The following MYO16 variants were observed in gnomAD, a reference collection of about 807,000 sequenced individuals.
MYO16 encodes the protein unconventional myosin-XVI.
In MYO16, 94 loss-of-function variants were observed where a neutral mutation model predicts 205.3. That is an observed-to-expected ratio of 0.46 (90% CI 0.39 to 0.54). The LOEUF is 0.54. Ranked by LOEUF, MYO16 falls within the 20% of genes least tolerant of loss-of-function variation. The probability of loss-of-function intolerance (pLI) is 0.00; values close to 1 mark genes in which losing one functional copy is unlikely to be tolerated. For synonymous variants in MYO16, 988 were observed against 954.0 expected (o/e 1.04, Z -0.66); for missense variants, 2,315 against 2,387.5 (o/e 0.97, Z 0.63).
chr13:108,657,682 C>T (rs1881305647), intron 1 of MYO16, among the ~76,000 whole-genome samples: 1 of 152,108 alleles, frequency 6.6e-6, no homozygotes, highest in Non-Finnish European at 1.5e-5. Flanking sequence ...TGTATTTTGA[C>T]TTGCATTCAG....
intron 10 of MYO16, among the ~76,000 whole-genome samples, chr13:108,849,276 C>T (rs1212038573): frequency 2.0e-5 from 3 of 152,106 alleles, no homozygotes; most frequent in Non-Finnish European, 2.9e-5. Flanking sequence ...CTGCAACCTC[C>T]GCCTCCCGGG....
At chr13:108,526,738 A>G in the MYO16 span, among the ~76,000 whole-genome samples, 26,765 of 152,204 alleles carry the variant, frequency 0.18, 2,809 homozygotes, top group South Asian at 0.28. Context: ...TTGTCAAAGT[A>G]TGTCATTAAT....
intron 20 of MYO16, among the ~76,000 whole-genome samples, chr13:108,986,035 A>T (rs1884618820): frequency 6.6e-6 from 1 of 152,182 alleles, no homozygotes; most frequent in Non-Finnish European, 1.5e-5. Context: ...GAGCAGAGGC[A>T]CATCTTACAT....
Position 109,127,264 on chromosome 13 carries a change from G to A in MYO16, c.3783-18G>A. ...GCCTCTCTGGCGTGGTGCTGTTTGT[G>A]TTTTGTTTCCCCCTAAGAACCGATG... is the stretch of plus-strand genomic sequence containing the variant. On this transcript the variant is annotated intron_variant, in intron 30 of 34. Coordinates refer to ENST00000457511, the MANE Select transcript of MYO16 (RefSeq NM_001198950.3). The surrounding 1 kb of genome is among the most constrained non-coding windows in gnomAD (Gnocchi z 4.2). 1 of 1,554,106 alleles carries A rather than the reference G, an allele frequency of 6.4e-7. No homozygotes were observed. Among genetic ancestry groups the A allele is most frequent in the Non-Finnish European group, 8.7e-7 (1 of 1,145,188 alleles).
At chr13:109,194,463 T>C (rs776808269) in intron 34 of MYO16, among the ~76,000 whole-genome samples, 1 of 152,100 alleles carries the variant, frequency 6.6e-6, no homozygotes, top group Non-Finnish European at 1.5e-5. Flanking sequence ...CGGTTGTGAG[T>C]GTCGACTAGA....
intron 1 of MYO16, among the ~76,000 whole-genome samples, chr13:108,607,227 G>A (rs1248592805): frequency 1.3e-5 from 2 of 152,194 alleles, no homozygotes; most frequent in African/African-American, 4.8e-5. Context: ...GAACTGTTGG[G>A]AAAGCATAAC....
chr13:108,930,234 C>T (rs1326512458), intron 16 of MYO16, among the ~76,000 whole-genome samples: 2 of 152,100 alleles, frequency 1.3e-5, no homozygotes, highest in African/African-American at 4.8e-5. Flanking sequence ...GTAAATATGG[C>T]TCAGTGTTGC....
chr13:108,932,928 G>A (rs1442060103), intron 16 of MYO16, among the ~76,000 whole-genome samples: 1 of 152,070 alleles, frequency 6.6e-6, no homozygotes, highest in Non-Finnish European at 1.5e-5. Flanking sequence ...CTCTCCTTTT[G>A]AGCTGACAAT....
At chr13:108,516,854 C>G in the MYO16 span, among the ~76,000 whole-genome samples, 7 of 152,096 alleles carry the variant, frequency 4.6e-5, no homozygotes, top group East Asian at 1.4e-3. Context: ...GTGAGTATAC[C>G]AGAATGTATT....
chr13:109,120,124 C>T (rs917707144), intron 28 of MYO16, among the ~76,000 whole-genome samples: 1 of 152,172 alleles, frequency 6.6e-6, no homozygotes, highest in African/African-American at 2.4e-5. Context: ...CATGGTACAA[C>T]CCACATCAGT....
intron 28 of MYO16, among the ~76,000 whole-genome samples, chr13:109,116,269 G>A (rs1594099119): frequency 6.6e-6 from 1 of 152,102 alleles, no homozygotes; most frequent in African/African-American, 2.4e-5. Context: ...GAGTGAATCC[G>A]AAGCCCAGAA....
intron 1 of MYO16, among the ~76,000 whole-genome samples, chr13:108,615,947 T>C (rs1879336146): frequency 1.3e-5 from 2 of 152,220 alleles, no homozygotes; most frequent in South Asian, 4.1e-4. Context: ...CACCTTCCTT[T>C]CTCTGCACAA....
In MYO16 at chr13:109,046,959, C is replaced by G; in HGVS notation, c.2840C>G (p.Ser947Cys). 1 of 1,612,088 alleles carries G rather than the reference C, an allele frequency of 6.2e-7. No individual in the cohort carries two copies. The change falls in exon 24 of 35, where the codon TCC becomes TGC. Residue 947 changes from serine (S) to cysteine (C), a missense_variant. By Grantham distance (112) the Ser-to-Cys change is moderately radical. This residue lies in a region of MYO16 where 1,213 missense variants were observed against 1,274.4 expected (regional missense o/e 0.95). Transcript: ENST00000457511. ...GGGGCGATTGAAAAAAATAAAGACTCCCTTTCACAGAATCTTCTATTTGTA... is the reference window on the plus strand; with the variant it reads ...GGGGCGATTGAAAAAAATAAAGACTGCCTTTCACAGAATCTTCTATTTGTA... ...VVGAIEKNKD[S>C]LSQNLLFVMK...
intron 34 of MYO16, among the ~76,000 whole-genome samples, chr13:109,191,425 A>G (rs1879911010): frequency 6.6e-6 from 1 of 152,166 alleles, no homozygotes; most frequent in Non-Finnish European, 1.5e-5. Context: ...GGAAAAAATC[A>G]TATGGAAAAA....
At chr13:108,583,468 G>A in the MYO16 span, among the ~76,000 whole-genome samples, 1 of 152,128 alleles carries the variant, frequency 6.6e-6, no homozygotes, top group Non-Finnish European at 1.5e-5. Flanking sequence ...GAGTATTTTA[G>A]TACATTGCTA....
At chr13:108,961,148 C>T (rs1168695404) in intron 17 of MYO16, among the ~76,000 whole-genome samples, 2 of 152,154 alleles carry the variant, frequency 1.3e-5, no homozygotes, top group Non-Finnish European at 2.9e-5. Flanking sequence ...GTCTAAATAG[C>T]GTCCAACGTG....
chr13:109,156,815 G>A (rs962962670), intron 32 of MYO16, among the ~76,000 whole-genome samples: 2 of 152,122 alleles, frequency 1.3e-5, no homozygotes, highest in African/African-American at 4.8e-5. Flanking sequence ...CTCCTGCACG[G>A]CAGTCACCTG....
the MYO16 span, among the ~76,000 whole-genome samples, chr13:108,570,107 T>G: frequency 6.6e-6 from 1 of 152,208 alleles, no homozygotes; most frequent in Non-Finnish European, 1.5e-5. Context: ...GATCTCTGCC[T>G]GATTTTGGAA....
intron 23 of MYO16, among the ~76,000 whole-genome samples, chr13:109,026,861 A>C (rs1365859603): frequency 6.6e-6 from 1 of 152,174 alleles, no homozygotes; most frequent in African/African-American, 2.4e-5. Flanking sequence ...TCCAGTTTAC[A>C]AAGTACTTCT....
Sources: allele counts gnomAD v4.1 joint callset (sites outside exome capture counted in the v4.1 genomes callset), GRCh38; gene constraint gnomAD v4.1.1; regional missense constraint gnomAD v4.1.1; non-coding constraint Gnocchi (gnomAD v3.1); transcripts MANE v1.5; gene names NCBI Gene and HGNC (gene_info 2026-07-23, HGNC 2026-07-21).